The following CDH7 variants were observed in gnomAD, a reference collection of about 807,000 sequenced individuals.
CDH7 encodes the protein cadherin-7.
A neutral mutation model predicts 71.8 loss-of-function variants in CDH7; 25 were observed. That is an observed-to-expected ratio of 0.35 (90% CI 0.25 to 0.49). The LOEUF (loss-of-function observed/expected upper bound fraction) is 0.49. Among genes scored for constraint, CDH7 ranks in the 20% least tolerant of loss-of-function variants. The pLI, the probability that CDH7 is intolerant of heterozygous loss-of-function variation, is 0.99. For synonymous variants in CDH7, 381 were observed against 363.8 expected (o/e 1.05, Z -0.54); for missense variants, 862 against 974.6 (o/e 0.88, Z 1.54).
chr18:65,811,074 A>C (rs975340056), intron 3 of CDH7, among the ~76,000 whole-genome samples: 1 of 152,020 alleles, frequency 6.6e-6, no homozygotes, highest in Non-Finnish European at 1.5e-5. Flanking sequence ...TGGATGAGAG[A>C]TGGGTTGATT....
chr18:65,788,630 T>G (rs892454784), intron 2 of CDH7, among the ~76,000 whole-genome samples: 1 of 152,206 alleles, frequency 6.6e-6, no homozygotes, highest in Non-Finnish European at 1.5e-5. Context: ...ACCTGCAGCC[T>G]TCTGAAAACA....
intron 7 of CDH7, among the ~76,000 whole-genome samples, chr18:65,850,776 T>C (rs1021519725): frequency 2.6e-5 from 4 of 151,704 alleles, no homozygotes; most frequent in Non-Finnish European, 4.4e-5. Flanking sequence ...AGGTGTCTGC[T>C]ATCATTAAGC....
rs150203286 is a variant in CDH7, at chr18:65,764,167, G to A, written c.210+1115G>A. Among the ~76,000 whole-genome samples, 411 of 151,972 alleles carry A rather than the reference G, an allele frequency of 2.7e-3. 4 individuals are homozygous for A. The highest frequency in any genetic ancestry group is 9.4e-3 in the African/African-American group (391 of 41,494). ...GATTTACTGCATGGGTCGTTTTTTC[G>A]TTTGATCACACCTTAAGTAAGGGCC... On this transcript the variant is annotated intron_variant, in intron 2 of 11. Transcript: ENST00000397968.
At chr18:65,848,250 T>C in intron 7 of CDH7, among the ~76,000 whole-genome samples, 1 of 152,156 alleles carries the variant, frequency 6.6e-6, no homozygotes, top group East Asian at 1.9e-4. Context: ...ATGTCAGCAT[T>C]GGCAGACTGA....
At chr18:65,799,853 C>T (rs886957639) in intron 2 of CDH7, among the ~76,000 whole-genome samples, 4 of 152,120 alleles carry the variant, frequency 2.6e-5, no homozygotes, top group African/African-American at 9.7e-5. Flanking sequence ...TGCCCTCTCT[C>T]TCTCATGAAT....
At chr18:65,812,972 A>G (rs1405792457) in intron 3 of CDH7, among the ~76,000 whole-genome samples, 1 of 152,230 alleles carries the variant, frequency 6.6e-6, no homozygotes, top group Non-Finnish European at 1.5e-5. Flanking sequence ...AAGATTTAAA[A>G]TATGCATTAT....
chr18:65,780,184 A>G (rs1219201064), intron 2 of CDH7, among the ~76,000 whole-genome samples: 1 of 113,120 alleles, frequency 8.8e-6, no homozygotes, highest in African/African-American at 4.1e-5. Context: ...GTTTGAGTTC[A>G]TTGTAGATTC....
chr18:65,782,179 T>C lies in CDH7; in HGVS notation c.210+19127T>C, dbSNP rs141955084. Among the ~76,000 whole-genome samples, 1,237 of 137,082 alleles carry C rather than the reference T, an allele frequency of 9.0e-3. 150 individuals are homozygous for C. The highest frequency in any genetic ancestry group is 0.033 in the African/African-American group (1,036 of 31,764). 89.9% of individuals were successfully genotyped at this position (137,082 alleles called of 152,430 possible). On this transcript the variant is annotated intron_variant, in intron 2 of 11. Coordinates refer to ENST00000397968, the MANE Select transcript of CDH7 (RefSeq NM_004361.5). ...CTTTCTTTCTTCCTTTCTTTCTTTC[T>C]TTCTTTCTTGACAGAGTCTCACTCC... is the stretch of plus-strand genomic sequence containing the variant.
At chr18:65,779,453 CT>C (rs1910098801) in intron 2 of CDH7, among the ~76,000 whole-genome samples, 1 of 82,336 alleles carries the variant, frequency 1.2e-5, no homozygotes, top group Non-Finnish European at 2.4e-5. Context: ...TCCCTCCCCC[CT>C]CCCCCGACCC....
chr18:65,808,024 G>A (rs979183341), intron 2 of CDH7, among the ~76,000 whole-genome samples: 2 of 152,122 alleles, frequency 1.3e-5, no homozygotes, highest in African/African-American at 4.8e-5. Context: ...TTATAATCCT[G>A]GATCTGCCAG....
chr18:65,823,631 A>G (rs1337805872), intron 5 of CDH7, among the ~76,000 whole-genome samples: 4 of 151,990 alleles, frequency 2.6e-5, no homozygotes, highest in African/African-American at 7.2e-5. Context: ...AAGTAATAGC[A>G]TATGTTATAA....
At chr18:65,855,527 G>A (rs1913323144) in intron 7 of CDH7, among the ~76,000 whole-genome samples, 1 of 86,666 alleles carries the variant, frequency 1.2e-5, no homozygotes, top group Non-Finnish European at 3.0e-5. Context: ...TTCAAAAAGT[G>A]TAAACTCTCA....
intron 11 of CDH7, chr18:65,863,596 T>G (rs1913657023): frequency 6.6e-6 from 1 of 152,238 alleles, no homozygotes; most frequent in Admixed American, 6.5e-5. Flanking sequence ...ACAATATGCT[T>G]ATTTTAGAAA....
At chr18:65,807,566 C>T (rs1407430527) in intron 2 of CDH7, among the ~76,000 whole-genome samples, 3 of 152,166 alleles carry the variant, frequency 2.0e-5, no homozygotes, top group East Asian at 1.9e-4. Flanking sequence ...TCAGCAGTAA[C>T]GTGTAGGTAA....
At chr18:65,753,886 A>G (rs545789490) in intron 1 of CDH7, among the ~76,000 whole-genome samples, 7 of 152,318 alleles carry the variant, frequency 4.6e-5, no homozygotes, top group Non-Finnish European at 7.4e-5. Context: ...AGATTATAGT[A>G]TAGATTTTCA....
At chr18:65,770,439 AAC>A (rs1242939142) in intron 2 of CDH7, among the ~76,000 whole-genome samples, 1 of 152,228 alleles carries the variant, frequency 6.6e-6, no homozygotes, top group Non-Finnish European at 1.5e-5. Flanking sequence ...TTAAAGAACT[AAC>A]ACAAGACATT....
intron 2 of CDH7, among the ~76,000 whole-genome samples, chr18:65,790,422 A>G (rs754164637): frequency 9.9e-5 from 15 of 151,922 alleles, no homozygotes; most frequent in Non-Finnish European, 2.1e-4. Flanking sequence ...GCCCCTTGAG[A>G]GTGAAGTGTA....
chr18:65,857,141 C>T (rs1422676980), intron 7 of CDH7, among the ~76,000 whole-genome samples: 2 of 151,480 alleles, frequency 1.3e-5, no homozygotes, highest in South Asian at 2.1e-4. Context: ...ATAATCGTGA[C>T]CAGGGTTACC....
At chr18:65,818,525 T>A (rs1911803227) in intron 4 of CDH7, among the ~76,000 whole-genome samples, 1 of 152,220 alleles carries the variant, frequency 6.6e-6, no homozygotes, top group South Asian at 2.1e-4. Flanking sequence ...ATTTTCTTCC[T>A]GAATATGTAC....
Sources: gnomAD v4.1 joint callset for allele counts (sites outside exome capture counted in the v4.1 genomes callset) on GRCh38, gnomAD v4.1.1 for gene constraint, MANE v1.5 for transcripts, NCBI Gene and HGNC (gene_info 2026-07-23, HGNC 2026-07-21) for gene names.